VPS13D: variants seen among roughly 807,000 people sequenced by gnomAD.
VPS13D encodes vacuolar protein sorting 13 homolog D, also known as intermembrane lipid transfer protein VPS13D.
In VPS13D, 187 loss-of-function variants were observed where a neutral mutation model predicts 461.9. That is an observed-to-expected ratio of 0.40 (90% CI 0.36 to 0.46). The LOEUF (loss-of-function observed/expected upper bound fraction) is 0.46. Among genes scored for constraint, VPS13D ranks in the 20% least tolerant of loss-of-function variants. The probability of loss-of-function intolerance (pLI) is 0.60; values close to 1 mark genes in which losing one functional copy is unlikely to be tolerated. For missense variants in VPS13D, 4,711 were observed against 5,364.9 expected, an observed-to-expected ratio of 0.88 and a Z score of 3.81; for synonymous variants, 1,951 against 1,986.3, an observed-to-expected ratio of 0.98 and a Z score of 0.47.
chr1:12,310,818 T>TC (rs1557701295), intron 27 of VPS13D, among the ~76,000 whole-genome samples: 1 of 87,202 alleles, frequency 1.1e-5, no homozygotes, highest in Non-Finnish European at 2.2e-5. Context: ...CCTCCCTCCC[T>TC]CCTTCCCTCC....
At chr1:12,459,550 C>T (rs1645379443) in intron 66 of VPS13D, among the ~76,000 whole-genome samples, 1 of 150,322 alleles carries the variant, frequency 6.7e-6, no homozygotes, top group Non-Finnish European at 1.5e-5. Flanking sequence ...GCGATCTCGG[C>T]TCACTGCAAC....
intron 68 of VPS13D, 145 bp downstream of exon 68, chr1:12,497,776 T>G: frequency 9.5e-7 from 1 of 1,052,582 alleles, no homozygotes; most frequent in Non-Finnish European, 1.3e-6. Context: ...CCAAATGTTT[T>G]TTAGATTTAG....
At chr1:12,392,997 T>C (rs1410810985) in intron 60 of VPS13D, among the ~76,000 whole-genome samples, 1 of 152,224 alleles carries the variant, frequency 6.6e-6, no homozygotes, top group Non-Finnish European at 1.5e-5. Flanking sequence ...ATAGGCCCAC[T>C]AGGCATTGTA....
intron 6 of VPS13D, among the ~76,000 whole-genome samples, chr1:12,249,991 G>A (rs1477420484): frequency 6.6e-6 from 1 of 152,164 alleles, no homozygotes; most frequent in East Asian, 1.9e-4. Context: ...GGTTGTGACC[G>A]GTGCTTCTGA....
chr1:12,237,326 CAA>C (rs60266660), intron 2 of VPS13D, among the ~76,000 whole-genome samples: 10,931 of 100,820 alleles, frequency 0.11, 676 homozygotes, highest in African/African-American at 0.19. Flanking sequence ...CCCTTTTCTA[CAA>C]AAAAAAAAAA....
intron 17 of VPS13D, among the ~76,000 whole-genome samples, chr1:12,272,247 A>G (rs1641465178): frequency 6.6e-6 from 1 of 152,204 alleles, no homozygotes; most frequent in Admixed American, 6.5e-5. Context: ...CACTGCTACA[A>G]TACAGCAGCA....
intron 55 of VPS13D, among the ~76,000 whole-genome samples, chr1:12,377,120 C>T (rs889375739): frequency 5.3e-5 from 8 of 150,706 alleles, no homozygotes; most frequent in South Asian, 2.1e-4. Flanking sequence ...AGTGCAATGG[C>T]GCAATCTTGG....
At chr1:12,230,386 C>T (rs1013141926) in intron 1 of VPS13D, among the ~76,000 whole-genome samples, 1 of 152,122 alleles carries the variant, frequency 6.6e-6, no homozygotes, top group Non-Finnish European at 1.5e-5. Flanking sequence ...TCCCCAAGCA[C>T]AGGCTCGGGG....
intron 39 of VPS13D, chr1:12,336,062 C>T (rs544323249): frequency 7.3e-5 from 34 of 466,260 alleles, no homozygotes; most frequent in Admixed American, 1.8e-4. Context: ...ATCTGCAACA[C>T]GTAATTCCTA....
At chr1:12,389,101 T>A (rs1644388917) in intron 60 of VPS13D, among the ~76,000 whole-genome samples, 2 of 152,154 alleles carry the variant, frequency 1.3e-5, no homozygotes. Flanking sequence ...TGGAGTCCAA[T>A]GTTCAAGGGC....
intron 54 of VPS13D, among the ~76,000 whole-genome samples, chr1:12,372,433 G>A (rs1333785359): frequency 6.6e-6 from 1 of 152,044 alleles, no homozygotes; most frequent in African/African-American, 2.4e-5. Context: ...ATCTCATTGT[G>A]GCTTTTGATT....
At position 12,346,598 on chromosome 1, in the gene VPS13D, T is replaced by C; in HGVS notation, c.9022-7T>C. 1 of 1,612,994 alleles carries C rather than the reference T, an allele frequency of 6.2e-7. No individual in the cohort carries two copies. Among genetic ancestry groups the C allele is most frequent in the East Asian group, 2.2e-5 (1 of 44,806 alleles). On this transcript the variant is annotated splice_region_variant and splice_polypyrimidine_tract_variant and intron_variant, in intron 43 of 69. Transcript: ENST00000620676. Reference sequence around the variant, plus strand: ...GTGCTGACTCTAACTTTTGAAATCTTTTTCAGATTGGCAGCCCAAGCAGCA... The same window carrying C: ...GTGCTGACTCTAACTTTTGAAATCTCTTTCAGATTGGCAGCCCAAGCAGCA...
Position 12,341,747 on chromosome 1 carries a change from C to G in VPS13D, c.8627-33C>G, listed in dbSNP as rs755440202. The stretch of plus-strand genomic sequence containing the variant: ...AGGGTCTCTGCCATGCAGATAGGGG[C>G]GTCTGCTCATAGCCTTCTTCTGTTT... On this transcript the variant is annotated intron_variant, in intron 40 of 69. Transcript: ENST00000620676. 1.9e-6 allele frequency: 3 copies of G among 1,595,130 alleles called. No individual in the cohort carries two copies. The African/African-American group carries it at 4.0e-5, about 21-fold the overall frequency.
At chr1:12,308,834 T>C (rs1490511258) in intron 27 of VPS13D, among the ~76,000 whole-genome samples, 193 bp downstream of exon 27, 1 of 152,036 alleles carries the variant, frequency 6.6e-6, no homozygotes, top group African/African-American at 2.4e-5. Context: ...GTATTTTTAG[T>C]AGAGATGGGG....
At chr1:12,339,655 T>G (rs1375862989) in intron 40 of VPS13D, among the ~76,000 whole-genome samples, 1 of 152,178 alleles carries the variant, frequency 6.6e-6, no homozygotes, top group Non-Finnish European at 1.5e-5. Context: ...CATAGTTTAT[T>G]TGGACCCTGG....
chr1:12,238,535 C>T (rs1247484101), intron 2 of VPS13D, among the ~76,000 whole-genome samples: 2 of 151,274 alleles, frequency 1.3e-5, no homozygotes, highest in African/African-American at 4.9e-5. Context: ...AATTGAGAAA[C>T]TAATATTATT....
chr1:12,411,087 C>T (rs143189205), intron 63 of VPS13D, among the ~76,000 whole-genome samples: 380 of 152,180 alleles, frequency 2.5e-3, no homozygotes, highest in African/African-American at 8.8e-3. Flanking sequence ...CACCGTTACA[C>T]GGGAGTTCAG....
At chr1:12,363,951 C>CAAAAAAAA (rs70987247) in intron 52 of VPS13D, among the ~76,000 whole-genome samples, 1 of 44,582 alleles carries the variant, frequency 2.2e-5, no homozygotes, top group Non-Finnish European at 3.7e-5. Flanking sequence ...GACTCTATCT[C>CAAAAAAAA]AAAAAAAAAA....
At chr1:12,245,229 G>A (rs374450) in intron 5 of VPS13D, among the ~76,000 whole-genome samples, 44,878 of 151,928 alleles carry the variant, frequency 0.3, 10,017 homozygotes, top group African/African-American at 0.62. Context: ...ACTAATTTTC[G>A]TGAATGTTTT....
Sources: gnomAD v4.1 joint callset for allele counts (sites outside exome capture counted in the v4.1 genomes callset) on GRCh38, gnomAD v4.1.1 for gene constraint, MANE v1.5 for transcripts, NCBI Gene and HGNC (gene_info 2026-07-23, HGNC 2026-07-21) for gene names.